PEA15: variants seen among roughly 807,000 people sequenced by gnomAD.
The protein encoded by PEA15 is proliferation and apoptosis adaptor protein 15, also known as astrocytic phosphoprotein PEA-15.
For synonymous variants in PEA15, 60 were observed against 61.8 expected (o/e 0.97, Z 0.13); for missense variants, 77 against 161.3 (o/e 0.48, Z 2.83).
At position 160,208,283 on chromosome 1, in the gene PEA15, C is replaced by T; in HGVS notation, c.-3+2761C>T. 2.7e-6 allele frequency: 1 copy of T among 368,720 alleles called. No homozygotes were observed. Among genetic ancestry groups the T allele is most frequent in the Non-Finnish European group, 5.1e-6 (1 of 194,902 alleles). The allele number at this position is 368,720 out of a possible 1,614,324, so 22.8% of individuals were successfully genotyped here. On this transcript the variant is annotated intron_variant, in intron 1 of 3. Transcript: ENST00000360472. This position sits in a 1 kb window ranked among gnomAD's most constrained non-coding sequence, Gnocchi z 4.1. ...TCCTGCCCCTCTTCCCCAGCATCCT[C>T]AGTTGGTTTGACCTTTGTCAGGGCT...
chr1:160,206,266 T>A (rs1003048941), intron 1 of PEA15: 15 of 152,208 alleles, frequency 9.9e-5, no homozygotes, highest in Admixed American at 9.2e-4. Flanking sequence ...CTCCAAGTCA[T>A]CAGTCCGACA....
intron 1 of PEA15, among the ~76,000 whole-genome samples, chr1:160,209,864 A>C (rs1557821828): frequency 6.6e-6 from 1 of 152,170 alleles, no homozygotes. Flanking sequence ...TGTGACCTAG[A>C]TTTCAAGGCA....
chr1:160,211,537 C>G lies in PEA15; in HGVS notation c.-2-6C>G, dbSNP rs201001175. The G allele has an allele frequency of 4.4e-6, 7 of 1,603,866 alleles. No individual in the cohort carries two copies. The African/African-American group carries it at 6.7e-5, about 15-fold the overall frequency. On this transcript the variant is annotated splice_region_variant and splice_polypyrimidine_tract_variant and intron_variant, in intron 1 of 3. Coordinates refer to ENST00000360472, the MANE Select transcript of PEA15 (RefSeq NM_003768.5). Reference sequence around the variant, plus strand: ...CTCCTATCCCTTTGTCGCCTCCCAACCCCAGTCATGGCTGAGTACGGGACC... The same window carrying G: ...CTCCTATCCCTTTGTCGCCTCCCAAGCCCAGTCATGGCTGAGTACGGGACC...
At chr1:160,206,559 G>A (rs1371056851) in intron 1 of PEA15, among the ~76,000 whole-genome samples, 1 of 152,050 alleles carries the variant, frequency 6.6e-6, no homozygotes, top group Non-Finnish European at 1.5e-5. Context: ...AGGAGGGGGT[G>A]GAAGAAACGG....
intron 1 of PEA15, among the ~76,000 whole-genome samples, chr1:160,207,571 T>C (rs1654654906): frequency 6.6e-6 from 1 of 152,154 alleles, no homozygotes; most frequent in African/African-American, 2.4e-5. Flanking sequence ...TCCATTTTGC[T>C]TCTTGGACTG....
At chr1:160,207,887 T>G (rs1334147929) in intron 1 of PEA15, among the ~76,000 whole-genome samples, 1 of 152,162 alleles carries the variant, frequency 6.6e-6, no homozygotes, top group Non-Finnish European at 1.5e-5. Context: ...CTGACAGACT[T>G]GAGTGCCTGG....
rs1036914650 is a variant in PEA15 at position 160,209,154 on chromosome 1, TACTC to T, written c.-2-2386_-2-2383del. Among the ~76,000 whole-genome samples, 37 of 152,112 alleles carry T rather than the reference TACTC, an allele frequency of 2.4e-4. 2 individuals carry two copies. Among genetic ancestry groups the T allele is most frequent in the African/African-American group, 8.2e-4 (34 of 41,482 alleles). On this transcript the variant is annotated intron_variant, in intron 1 of 3. Coordinates refer to ENST00000360472, the MANE Select transcript of PEA15 (RefSeq NM_003768.5). ...CACATACAAACACACACATGACAGATACTCACAGCCAGTGCACCCACAGCCATAT... is the reference window on the plus strand; with the variant it reads ...CACATACAAACACACACATGACAGATACAGCCAGTGCACCCACAGCCATAT...
At position 160,208,778 on chromosome 1, in the gene PEA15, C is replaced by A; in HGVS notation, c.-2-2765C>A. 1 of 887,078 alleles carries A rather than the reference C, an allele frequency of 1.1e-6. No individual in the cohort carries two copies. Among genetic ancestry groups the A allele is most frequent in the Non-Finnish European group, 1.8e-6 (1 of 557,412 alleles). The allele number at this position is 887,078 out of a possible 1,614,324, so 55.0% of individuals were successfully genotyped here. A position where few individuals can be genotyped will look rare whatever the true frequency, so the allele number is the denominator to read the frequency against. On this transcript the variant is annotated intron_variant, in intron 1 of 3. Transcript: ENST00000360472. This position sits in a 1 kb window ranked among gnomAD's most constrained non-coding sequence, Gnocchi z 4.1. ...TGGATCTCTCCAAGAAGGGAGGCAA[C>A]TGGGCTGCCTTTCCTTGTACCGTCA...
chr1:160,212,931 TTGTTGTTTGGGTACCTTAG>T (rs1654937352), intron 2 of PEA15, among the ~76,000 whole-genome samples, 160 bp from the exon 3 acceptor site: 1 of 152,136 alleles, frequency 6.6e-6, no homozygotes, highest in Admixed American at 6.5e-5. Context: ...GTCCTCTGTA[TTGTTGTTTGGGTACCTTAG>T]CTTTCTTCTC....
Position 160,213,652 on chromosome 1 carries a change from T to C in PEA15, c.*166T>C. The C allele has an allele frequency of 5.6e-6, 3 of 535,666 alleles. No homozygotes were observed. The South Asian group carries it at 5.9e-5, about 10-fold the overall frequency. The allele number at this position is 535,666 out of a possible 1,614,324, so 33.2% of individuals were successfully genotyped here. On this transcript the variant is annotated 3_prime_UTR_variant, in exon 4 of 4. Transcript: ENST00000360472. This position sits in a 1 kb window ranked among gnomAD's most constrained non-coding sequence, Gnocchi z 5.3. ...TGCGTGTGCGCACGCTCTGGCTGTT[T>C]GTCTATATGTCTAGCTCATCTAGTT...
chr1:160,210,436 T>C (rs1654820770), intron 1 of PEA15, among the ~76,000 whole-genome samples: 1 of 152,254 alleles, frequency 6.6e-6, no homozygotes, highest in African/African-American at 2.4e-5. Context: ...GTGTCACATT[T>C]TATCAAATCC....
At position 160,208,621 on chromosome 1, in the gene PEA15, A is replaced by G; in HGVS notation, c.-2-2922A>G. On this transcript the variant is annotated intron_variant, in intron 1 of 3. Transcript: ENST00000360472. This position sits in a 1 kb window ranked among gnomAD's most constrained non-coding sequence, Gnocchi z 4.1. ...GAAAGTGACATGGAGGATGAAGGAA[A>G]CAAGCTCTGCCAAGCCCCACCATGG... 3.9e-6 allele frequency: 6 copies of G among 1,550,558 alleles called. No homozygotes were observed. Among genetic ancestry groups the G allele is most frequent in the Non-Finnish European group, 5.2e-6 (6 of 1,146,956 alleles).
At chr1:160,211,248 G>C in intron 1 of PEA15, 2 of 1,070,544 alleles carry the variant, frequency 1.9e-6, no homozygotes, top group Non-Finnish European at 2.3e-6. Context: ...TCCTCAGTCA[G>C]GGGAACTGTT....
At chr1:160,210,885 C>T (rs972047331) in intron 1 of PEA15, among the ~76,000 whole-genome samples, 1 of 152,114 alleles carries the variant, frequency 6.6e-6, no homozygotes, top group African/African-American at 2.4e-5. Context: ...CCATTGCTTC[C>T]CCCACCTCGA....
At chr1:160,211,477 C>A in intron 1 of PEA15, 66 bp from the exon 2 acceptor site, 1 of 1,486,456 alleles carries the variant, frequency 6.7e-7, no homozygotes, top group Non-Finnish European at 9.1e-7. Context: ...AGGGTAGTGC[C>A]AGTGAGTAAA....
intron 1 of PEA15, chr1:160,206,401 C>T (rs1274290461): frequency 6.6e-6 from 1 of 152,240 alleles, no homozygotes; most frequent in Non-Finnish European, 1.5e-5. Context: ...GGGAGAAAAT[C>T]TTGGTCTCAT....
rs1654717482 is a variant in PEA15 at position 160,208,768 on chromosome 1, AG to A, written c.-2-2772del. On this transcript the variant is annotated intron_variant, in intron 1 of 3. Transcript: ENST00000360472. The surrounding 1 kb of genome is among the most constrained non-coding windows in gnomAD (Gnocchi z 4.1). Reference sequence around the variant, plus strand: ...CCTAGGCAAATGGATCTCTCCAAGAAGGGAGGCAACTGGGCTGCCTTTCCTT... The same window carrying A: ...CCTAGGCAAATGGATCTCTCCAAGAAGGAGGCAACTGGGCTGCCTTTCCTT... The A allele has an allele frequency of 9.7e-7, 1 of 1,027,876 alleles. No individual in the cohort carries two copies. Among genetic ancestry groups the A allele is most frequent in the African/African-American group, 1.6e-5 (1 of 62,982 alleles). The allele number at this position is 1,027,876 out of a possible 1,614,324, so 63.7% of individuals were successfully genotyped here.
rs1209162654 is a variant in PEA15, at chr1:160,208,885, A to C, written c.-2-2658A>C. The C allele has an allele frequency of 3.5e-5, 19 of 548,730 alleles. No individual in the cohort carries two copies. The highest frequency in any genetic ancestry group is 6.5e-6 in the Non-Finnish European group (2 of 307,022). 34.0% of individuals were successfully genotyped at this position (548,730 alleles called of 1,614,324 possible). ...CCCATCTAGTGGTGTCATCCTAACG[A>C]CTGGGGGTGGGGGGCACCCAGAACT... On this transcript the variant is annotated intron_variant, in intron 1 of 3. Coordinates refer to ENST00000360472, the MANE Select transcript of PEA15 (RefSeq NM_003768.5). The surrounding 1 kb of genome is among the most constrained non-coding windows in gnomAD (Gnocchi z 4.1).
chr1:160,213,296 C>G lies in PEA15; in HGVS notation c.328+31C>G, dbSNP rs1654951431. 17 of 1,614,040 alleles carry G rather than the reference C, an allele frequency of 1.1e-5. No homozygotes were observed. The highest frequency in any genetic ancestry group is 1.4e-5 in the Non-Finnish European group (17 of 1,179,934). ...CGGCCACTCCTTTAACTAGCTGCAC[C>G]TCTGCCTCGTCCCGTTGACTATCCT... On this transcript the variant is annotated intron_variant, in intron 3 of 3. Coordinates refer to ENST00000360472, the MANE Select transcript of PEA15 (RefSeq NM_003768.5). The surrounding 1 kb of genome is among the most constrained non-coding windows in gnomAD (Gnocchi z 5.3).
Sources: allele counts gnomAD v4.1 joint callset (sites outside exome capture counted in the v4.1 genomes callset), GRCh38; gene constraint gnomAD v4.1.1; non-coding constraint Gnocchi (gnomAD v3.1); transcripts MANE v1.5; gene names NCBI Gene and HGNC (gene_info 2026-07-23, HGNC 2026-07-21).